The following UGT1A8 variants were observed in gnomAD, a reference collection of about 807,000 sequenced individuals.
The protein encoded by UGT1A8 is UDP glucuronosyltransferase family 1 member A8.
A neutral mutation model predicts 45.3 loss-of-function variants in UGT1A8; 39 were observed. The ratio of observed to expected loss-of-function variants is 0.86; its 90% CI spans 0.67 to 1.12. UGT1A8 has a LOEUF of 1.12. UGT1A8 is among the 50% of genes most tolerant of loss of function. UGT1A8 has a pLI of 0.00. For missense variants in UGT1A8, 719 were observed against 664.9 expected (o/e 1.08, Z -0.90); for synonymous variants, 275 against 249.2 (o/e 1.10, Z -0.97).
chr2:233,688,485 C>A (rs1180884659), intron 1 of UGT1A8, among the ~76,000 whole-genome samples: 1 of 152,202 alleles, frequency 6.6e-6, no homozygotes, highest in African/African-American at 2.4e-5. Context: ...CTATCTCCAT[C>A]CTTTTGGGAA....
intron 1 of UGT1A8, chr2:233,672,718 C>A: frequency 6.2e-7 from 1 of 1,613,902 alleles, no homozygotes; most frequent in Non-Finnish European, 8.5e-7. Context: ...TTTGGACTAT[C>A]CCAAACCCGT....
At chr2:233,760,220 G>A (rs1697349973) in intron 1 of UGT1A8, 6 of 1,593,686 alleles carry the variant, frequency 3.8e-6, no homozygotes, top group African/African-American at 1.4e-5. Flanking sequence ...TTGGTGTATC[G>A]ATTGGTTTTT....
At chr2:233,657,259 T>G (rs1328778322) in intron 1 of UGT1A8, among the ~76,000 whole-genome samples, 2 of 152,182 alleles carry the variant, frequency 1.3e-5, no homozygotes, top group Admixed American at 6.5e-5. Context: ...GCGGTTTAGT[T>G]TTTTTGTGTT....
chr2:233,699,358 T>C (rs184232584), intron 1 of UGT1A8, among the ~76,000 whole-genome samples: 40 of 152,340 alleles, frequency 2.6e-4, no homozygotes, highest in African/African-American at 8.9e-4. Context: ...CCTCTTTTCT[T>C]ATTGGTATGG....
At chr2:233,626,793 G>A (rs1033037241) in intron 1 of UGT1A8, among the ~76,000 whole-genome samples, 1 of 152,058 alleles carries the variant, frequency 6.6e-6, no homozygotes, top group Non-Finnish European at 1.5e-5. Context: ...TTTGGAAGCA[G>A]GTAGACCACT....
At chr2:233,747,229 C>A in intron 1 of UGT1A8, 1 of 1,605,300 alleles carries the variant, frequency 6.2e-7, no homozygotes, top group Non-Finnish European at 8.5e-7. Flanking sequence ...CACAGGACCC[C>A]AGGTTCCCCT....
At chr2:233,635,574 C>T (rs1295839647) in intron 1 of UGT1A8, among the ~76,000 whole-genome samples, 1 of 150,770 alleles carries the variant, frequency 6.6e-6, no homozygotes. Flanking sequence ...ATCTCCAACA[C>T]TGGGGATTAT....
rs28898579 is a variant in UGT1A8 at position 233,699,172 on chromosome 2, G to C, written c.856-67862G>C. On this transcript the variant is annotated intron_variant, in intron 1 of 4. Transcript: ENST00000373450. ...TTGCAACCTTTCTGTCTGTCTCTCT[G>C]ATCCTCACTTCTTCTTCAGAATCTC... Among the ~76,000 whole-genome samples the C allele has an allele frequency of 1.0e-2, 1,519 of 152,080 alleles. 36 individuals are homozygous for C. The highest frequency in any genetic ancestry group is 0.034 in the African/African-American group (1,425 of 41,468).
chr2:233,636,870 T>G, intron 1 of UGT1A8: 1 of 1,614,128 alleles, frequency 6.2e-7, no homozygotes, highest in Non-Finnish European at 8.5e-7. Flanking sequence ...CCAGTGGTTT[T>G]CTTGACTTAT....
intron 1 of UGT1A8, among the ~76,000 whole-genome samples, chr2:233,649,355 T>C (rs1401098969): frequency 1.3e-5 from 2 of 152,228 alleles, no homozygotes; most frequent in Non-Finnish European, 2.9e-5. Flanking sequence ...CAAGCAATTA[T>C]GACTTTTTTA....
chr2:233,690,004 C>A, intron 1 of UGT1A8: 3 of 448,708 alleles, frequency 6.7e-6, no homozygotes, highest in Non-Finnish European at 1.3e-5. Context: ...CACTTCATCT[C>A]ACCATTTTGG....
intron 1 of UGT1A8, among the ~76,000 whole-genome samples, chr2:233,747,063 C>T (rs1043873041): frequency 4.6e-5 from 7 of 151,894 alleles, no homozygotes; most frequent in African/African-American, 1.2e-4. Flanking sequence ...ATTGGTTAAT[C>T]GGTAATAATT....
chr2:233,737,372 G>T (rs992613847), intron 1 of UGT1A8, among the ~76,000 whole-genome samples: 12 of 152,258 alleles, frequency 7.9e-5, no homozygotes, highest in African/African-American at 2.7e-4. Flanking sequence ...CCAGGCAGGG[G>T]AGAGAATCTC....
intron 1 of UGT1A8, among the ~76,000 whole-genome samples, chr2:233,665,897 C>T (rs2074067551): frequency 6.6e-6 from 1 of 152,178 alleles, no homozygotes; most frequent in Admixed American, 6.5e-5. Flanking sequence ...GGTGCCCTCC[C>T]ACCACCTGCA....
intron 1 of UGT1A8, among the ~76,000 whole-genome samples, chr2:233,634,689 A>G (rs369890968): frequency 1.4e-5 from 2 of 140,588 alleles, no homozygotes; most frequent in South Asian, 2.2e-4. Flanking sequence ...TTTTGAGCCT[A>G]TATGTCTTTA....
intron 1 of UGT1A8, among the ~76,000 whole-genome samples, chr2:233,642,065 T>C (rs549485811): frequency 4.6e-5 from 7 of 152,318 alleles, no homozygotes; most frequent in African/African-American, 1.4e-4. Flanking sequence ...TTTGGAAAGT[T>C]TTCTGTTATT....
intron 1 of UGT1A8, among the ~76,000 whole-genome samples, chr2:233,634,019 C>T (rs886422302): frequency 1.3e-5 from 2 of 152,194 alleles, no homozygotes; most frequent in Admixed American, 6.5e-5. Context: ...TCTTTGTTCT[C>T]ATTGGTTTCA....
intron 1 of UGT1A8, among the ~76,000 whole-genome samples, chr2:233,694,882 G>T (rs2075245921): frequency 6.6e-6 from 1 of 152,096 alleles, no homozygotes; most frequent in Admixed American, 6.5e-5. Context: ...CACATTTGGG[G>T]GGTTCATGTG....
chr2:233,692,816 T>G (rs2075115835), intron 1 of UGT1A8: 1 of 1,429,336 alleles, frequency 7.0e-7, no homozygotes, highest in Non-Finnish European at 9.1e-7. Flanking sequence ...TTGGTTCATA[T>G]TAACCATGTG....
Sources: allele counts gnomAD v4.1 joint callset (sites outside exome capture counted in the v4.1 genomes callset), GRCh38; gene constraint gnomAD v4.1.1; transcripts MANE v1.5; gene names NCBI Gene and HGNC (gene_info 2026-07-23, HGNC 2026-07-21).